Variants in EPAS1 observed in about 807,000 individuals in gnomAD.
EPAS1 encodes endothelial PAS domain protein 1.
A neutral mutation model predicts 87.9 loss-of-function variants in EPAS1; 23 were observed. The observed-to-expected ratio is 0.26, with a 90% CI of 0.19 to 0.37. The LOEUF is 0.37. Ranked by LOEUF, EPAS1 falls within the 10% of genes least tolerant of loss-of-function variation. EPAS1 has a pLI of 1.00. For synonymous variants in EPAS1, 508 were observed against 444.3 expected (o/e 1.14, Z -1.80); for missense variants, 1,138 against 1,120.7 (o/e 1.02, Z -0.22).
chr2:46,350,887 T>G (rs993024341), intron 2 of EPAS1, among the ~76,000 whole-genome samples: 1 of 152,216 alleles, frequency 6.6e-6, no homozygotes, highest in African/African-American at 2.4e-5. Flanking sequence ...TAACAAGAGA[T>G]TATATTTTCC....
intron 7 of EPAS1, among the ~76,000 whole-genome samples, chr2:46,373,510 G>A (rs1476952329): frequency 6.6e-6 from 1 of 152,172 alleles, no homozygotes; most frequent in Non-Finnish European, 1.5e-5. Context: ...GCTGAGTGTA[G>A]AGAAGCCAGA....
chr2:46,354,813 C>G (rs143482109), intron 2 of EPAS1, among the ~76,000 whole-genome samples: 2 of 152,292 alleles, frequency 1.3e-5, no homozygotes, highest in African/African-American at 4.8e-5. Flanking sequence ...GGGCCTGCCT[C>G]ACCAGCCCAA....
In EPAS1 at chr2:46,340,557, T is replaced by G. The variant is rs559632351; in HGVS notation, c.27-6316T>G. ...TTGATATACTAGTGTGGATTATTAG[T>G]CTTATCTCCCAGATGGGCTGTGGTC... is the stretch of plus-strand genomic sequence containing the variant. On this transcript the variant is annotated intron_variant, in intron 1 of 15. Coordinates refer to ENST00000263734, the MANE Select transcript of EPAS1 (RefSeq NM_001430.5). 3.1e-4 allele frequency among the ~76,000 whole-genome samples: 47 copies of G among 152,288 alleles called. No individual in the cohort carries two copies. The South Asian group carries it at 8.3e-3, about 27-fold the overall frequency.
At chr2:46,376,463 G>T in intron 8 of EPAS1, 76 bp from the exon 9 acceptor site, 2 of 1,432,838 alleles carry the variant, frequency 1.4e-6, no homozygotes, top group East Asian at 2.3e-5. Context: ...TAGCTATGAG[G>T]GTTTCCATGC....
rs1682902298 is a variant in EPAS1, at chr2:46,297,461, G to A, written c.-451G>A. ...CGGTGCCCGCTGCGCTTCCGCCCCA[G>A]CGCTCCTGAGGCGGCCGTACAATCC... On this transcript the variant is annotated 5_prime_UTR_variant, in exon 1 of 16. Coordinates refer to ENST00000263734, the MANE Select transcript of EPAS1 (RefSeq NM_001430.5). The A allele has an allele frequency of 6.3e-6, 1 of 159,516 alleles. No individual in the cohort carries two copies. The highest frequency in any genetic ancestry group is 6.3e-5 in the Admixed American group (1 of 15,902). 9.9% of individuals were successfully genotyped at this position (159,516 alleles called of 1,614,324 possible).
At chr2:46,369,435 C>T (rs1684576496) in intron 6 of EPAS1, among the ~76,000 whole-genome samples, 1 of 152,222 alleles carries the variant, frequency 6.6e-6, no homozygotes, top group Admixed American at 6.5e-5. Flanking sequence ...CCCTGGACAC[C>T]TGTGTAGGCA....
chr2:46,385,214 CTT>C lies in EPAS1; in HGVS notation c.*556_*557del. 6.6e-6 allele frequency: 1 copy of C among 151,904 alleles called. No homozygotes were observed. Among genetic ancestry groups the C allele is most frequent in the Middle Eastern group, 3.5e-3 (1 of 288 alleles). 9.4% of individuals were successfully genotyped at this position (151,904 alleles called of 1,614,324 possible). A position where few individuals can be genotyped will look rare whatever the true frequency, so the allele number is the denominator to read the frequency against. On this transcript the variant is annotated 3_prime_UTR_variant, in exon 16 of 16. Transcript: ENST00000263734. ...TTTTTTTTTTTTGTTTAAGCTGACT[CTT>C]TGCTCTAATTTTGGAAAAAAAGAAA...
In EPAS1 at chr2:46,380,150, G is replaced by C. The variant is rs746497663; in HGVS notation, c.1555-77G>C. ...AACAGTGCTTGAGATGAATGGCTCT[G>C]CAGGAGCTGAGTTGGAATAGTGTTT... On this transcript the variant is annotated intron_variant, in intron 11 of 15. Transcript: ENST00000263734. This position sits in a 1 kb window ranked among gnomAD's most constrained non-coding sequence, Gnocchi z 4.4. 24 of 1,597,612 alleles carry C rather than the reference G, an allele frequency of 1.5e-5. No individual in the cohort carries two copies. Among genetic ancestry groups the C allele is most frequent in the Non-Finnish European group, 2.0e-5 (23 of 1,178,462 alleles).
Position 46,346,467 on chromosome 2 carries a change from G to T in EPAS1, c.27-406G>T, listed in dbSNP as rs573038592. On this transcript the variant is annotated intron_variant, in intron 1 of 15. Coordinates refer to ENST00000263734, the MANE Select transcript of EPAS1 (RefSeq NM_001430.5). This position sits in a 1 kb window ranked among gnomAD's most constrained non-coding sequence, Gnocchi z 4.0. ...CAGTTTTTTTATCTTGTTCTCCAGA[G>T]CCCTTGACAAAGCCATCTGAGCCAC... 6.6e-6 allele frequency among the ~76,000 whole-genome samples: 1 copy of T among 152,182 alleles called. No individual in the cohort carries two copies. Among genetic ancestry groups the T allele is most frequent in the African/African-American group, 2.4e-5 (1 of 41,448 alleles).
intron 1 of EPAS1, among the ~76,000 whole-genome samples, chr2:46,324,310 G>A (rs1683511147): frequency 6.6e-6 from 1 of 152,134 alleles, no homozygotes; most frequent in South Asian, 2.1e-4. Context: ...CTTGTGATCT[G>A]CCCACCTCGG....
chr2:46,305,063 C>T (rs892010719), intron 1 of EPAS1, among the ~76,000 whole-genome samples: 2 of 152,126 alleles, frequency 1.3e-5, no homozygotes, highest in African/African-American at 4.8e-5. Flanking sequence ...AGAAGCAAGC[C>T]GTGTTGGCAA....
chr2:46,299,694 G>A (rs1682958538), intron 1 of EPAS1, among the ~76,000 whole-genome samples: 2 of 152,212 alleles, frequency 1.3e-5, no homozygotes, highest in East Asian at 1.9e-4. Context: ...TGAAGTGTCA[G>A]CTCCTCCTGC....
intron 2 of EPAS1, among the ~76,000 whole-genome samples, chr2:46,352,771 G>T (rs147526856): frequency 2.5e-4 from 38 of 152,346 alleles, no homozygotes; most frequent in Middle Eastern, 3.4e-3. Flanking sequence ...GGGCCAACCT[G>T]CTGGCTTCCT....
chr2:46,360,706 A>G lies in EPAS1; in HGVS notation c.523A>G (p.Thr175Ala). 1 of 1,614,046 alleles carries G rather than the reference A, an allele frequency of 6.2e-7. No homozygotes were observed. The highest frequency in any genetic ancestry group is 8.5e-7 in the Non-Finnish European group (1 of 1,180,022). Residue 175 changes from threonine to alanine, a missense_variant, in exon 5 of 16, where the codon ACG becomes GCG. Transcript: ENST00000263734. The surrounding 1 kb of genome is among the most constrained non-coding windows in gnomAD (Gnocchi z 4.5). The stretch of plus-strand genomic sequence containing the variant: ...GGACTTCTTCATGAGGATGAAGTGC[A>G]CGGTCACCAACAGAGGCCGTACTGT... ...ERDFFMRMKC[T>A]VTNRGRTVNL...
In EPAS1 at chr2:46,381,971, C is replaced by A. The variant is rs372935324; in HGVS notation, c.2173-4C>A. 36 of 1,593,892 alleles carry A rather than the reference C, an allele frequency of 2.3e-5. 1 individual carries two copies. Among genetic ancestry groups the A allele is most frequent in the Non-Finnish European group, 2.9e-5 (34 of 1,167,408 alleles). On this transcript the variant is annotated splice_polypyrimidine_tract_variant and splice_region_variant and intron_variant, in intron 13 of 15. Transcript: ENST00000263734. ...CCCTTTCCATCTGCCCTTCTTACTC[C>A]CAGGGGGACCCACCTGGTGGCAGCA... is the stretch of plus-strand genomic sequence containing the variant.
intron 6 of EPAS1, among the ~76,000 whole-genome samples, chr2:46,362,072 C>T (rs34872821): frequency 0.18 from 27,138 of 152,166 alleles, 2,683 homozygotes; most frequent in Admixed American, 0.27. Flanking sequence ...CAGCACCCCC[C>T]GCATGCGCCC....
intron 2 of EPAS1, among the ~76,000 whole-genome samples, chr2:46,350,398 C>T (rs936959358): frequency 3.9e-5 from 6 of 152,208 alleles, no homozygotes; most frequent in Admixed American, 2.0e-4. Context: ...CTTAGTAACA[C>T]GTTTCCCTTT....
chr2:46,313,995 T>G (rs1322314319), intron 1 of EPAS1, among the ~76,000 whole-genome samples: 1 of 152,176 alleles, frequency 6.6e-6, no homozygotes, highest in East Asian at 1.9e-4. Context: ...TTTTCAAAGC[T>G]CTTGATGTAG....
rs1370480723 is a variant in EPAS1 at position 46,381,976 on chromosome 2, G to A, written c.2174G>A (p.Gly725Glu). The A allele has an allele frequency of 1.2e-6, 2 of 1,613,756 alleles. No individual in the cohort carries two copies. The highest frequency in any genetic ancestry group is 1.3e-5 in the African/African-American group (1 of 74,870). Residue 725 changes from glycine to glutamate, a missense_variant and splice_region_variant, in exon 14 of 16, where the codon GGG (glycine) becomes GAG (glutamate). By Grantham distance (98) the Gly-to-Glu change is moderately conservative. Around this residue, in one of 4 missense-constraint regions of EPAS1, gnomAD observed 502 missense variants for 427.1 expected, o/e 1.18. Transcript: ENST00000263734. ...EEQAFQDLSGGDPPGGSTSHL... is the reference protein window; with the variant it reads ...EEQAFQDLSGEDPPGGSTSHL... The stretch of plus-strand genomic sequence containing the variant: ...TCCATCTGCCCTTCTTACTCCCAGG[G>A]GGACCCACCTGGTGGCAGCACCTCA...
Sources: allele counts gnomAD v4.1 joint callset (sites outside exome capture counted in the v4.1 genomes callset), GRCh38; gene constraint gnomAD v4.1.1; regional missense constraint gnomAD v4.1.1; non-coding constraint Gnocchi (gnomAD v3.1); transcripts MANE v1.5; gene names NCBI Gene and HGNC (gene_info 2026-07-23, HGNC 2026-07-21).